Variants in SLC44A3 observed in about 807,000 individuals in gnomAD.
The protein encoded by SLC44A3 is solute carrier family 44 member 3, also known as choline transporter-like protein 3.
A neutral mutation model predicts 75.4 loss-of-function variants in SLC44A3; 74 were observed. The ratio of observed to expected loss-of-function variants is 0.98; its 90% confidence interval spans 0.81 to 1.19. The LOEUF (loss-of-function observed/expected upper bound fraction) is 1.19. Among genes scored for constraint, SLC44A3 ranks in the 50% most tolerant of loss-of-function variants. The pLI, the probability that SLC44A3 is intolerant of heterozygous loss-of-function variation, is 0.00. For synonymous variants in SLC44A3, 310 were observed against 296.9 expected, an observed-to-expected ratio of 1.04 and a Z score of -0.45; for missense variants, 700 against 778.6, an observed-to-expected ratio of 0.90 and a Z score of 1.20.
chr1:94,873,630 C>T (rs958288980), intron 12 of SLC44A3, among the ~76,000 whole-genome samples: 2 of 152,162 alleles, frequency 1.3e-5, no homozygotes, highest in African/African-American at 4.8e-5. Flanking sequence ...TTCTCTTCCC[C>T]CGCCCCTTTC....
intron 12 of SLC44A3, among the ~76,000 whole-genome samples, chr1:94,879,701 T>C (rs577369388): frequency 1.9e-4 from 28 of 151,272 alleles, no homozygotes; most frequent in African/African-American, 6.5e-4. Flanking sequence ...TAGTTGGGTG[T>C]GGTGGCAGGT....
chr1:94,861,750 G>T (rs1281280168), intron 10 of SLC44A3, among the ~76,000 whole-genome samples: 1 of 152,136 alleles, frequency 6.6e-6, no homozygotes, highest in African/African-American at 2.4e-5. Context: ...CACTACGAGG[G>T]CTGAAGAGTT....
Position 94,864,739 on chromosome 1 carries a change from C to G in SLC44A3, c.1239-4C>G, listed in dbSNP as rs375273767. The G allele has an allele frequency of 6.8e-5, 109 of 1,611,184 alleles. No homozygotes were observed. The highest frequency in any genetic ancestry group is 9.2e-5 in the Non-Finnish European group (108 of 1,178,866). ...TAAAATGCTATCCTTTTCCCTATTT[C>G]CAGAAGTAAAAATGATCCTCCTGAT... On this transcript the variant is annotated splice_region_variant and splice_polypyrimidine_tract_variant and intron_variant, in intron 10 of 14. Transcript: ENST00000271227.
At chr1:94,861,072 A>G (rs1453733751) in intron 10 of SLC44A3, among the ~76,000 whole-genome samples, 1 of 152,234 alleles carries the variant, frequency 6.6e-6, no homozygotes, top group Non-Finnish European at 1.5e-5. Flanking sequence ...AAAAATGTGA[A>G]ACAATTAACT....
chr1:94,889,830 T>C (rs1194374058), intron 12 of SLC44A3, among the ~76,000 whole-genome samples: 1 of 152,132 alleles, frequency 6.6e-6, no homozygotes, highest in Non-Finnish European at 1.5e-5. Flanking sequence ...ACCATACCAG[T>C]TACACTGTAT....
chr1:94,856,545 A>C (rs1665894531), intron 9 of SLC44A3, among the ~76,000 whole-genome samples: 1 of 152,232 alleles, frequency 6.6e-6, no homozygotes, highest in Admixed American at 6.5e-5. Flanking sequence ...TTTTTGGTGA[A>C]GTAGGATTCT....
In SLC44A3 at chr1:94,864,903, A is replaced by C; in HGVS notation, c.1395+4A>C. Reference sequence around the variant, plus strand: ...GCAAAACGCACTGAAAGAACAGGTAAGGCTACCTCCTGATACACAGCACGT... The same window carrying C: ...GCAAAACGCACTGAAAGAACAGGTACGGCTACCTCCTGATACACAGCACGT... On this transcript the variant is annotated splice_donor_region_variant and intron_variant, in intron 11 of 14. Transcript: ENST00000271227. The C allele has an allele frequency of 6.2e-7, 1 of 1,613,252 alleles. No homozygotes were observed. The highest frequency in any genetic ancestry group is 8.5e-7 in the Non-Finnish European group (1 of 1,179,662).
chr1:94,858,715 G>A (rs1305271123), intron 10 of SLC44A3, among the ~76,000 whole-genome samples: 2 of 147,910 alleles, frequency 1.4e-5, no homozygotes, highest in African/African-American at 2.5e-5. Flanking sequence ...TTATTGAGAC[G>A]GAGTCTTGCT....
chr1:94,886,366 C>T (rs1351103258), intron 12 of SLC44A3, among the ~76,000 whole-genome samples: 2 of 152,140 alleles, frequency 1.3e-5, no homozygotes, highest in Admixed American at 6.5e-5. Context: ...TTTCACTGCT[C>T]TTGCTCCACA....
At chr1:94,853,031 A>T (rs1023509355) in intron 9 of SLC44A3, among the ~76,000 whole-genome samples, 1 of 152,252 alleles carries the variant, frequency 6.6e-6, no homozygotes, top group East Asian at 1.9e-4. Context: ...ACTTGGGAAC[A>T]TATTAATAGT....
rs140565146 is a variant in SLC44A3, at chr1:94,823,883, C to T, written c.136-610C>T. On this transcript the variant is annotated intron_variant, in intron 2 of 14. Transcript: ENST00000271227. ...GTTTGAACTGAAATTTCAAATATTC[C>T]ACATTCACTATGAGAGTGGATAAAA... 8.2e-3 allele frequency among the ~76,000 whole-genome samples: 1,248 copies of T among 152,236 alleles called. 12 individuals carry two copies. Among genetic ancestry groups the T allele is most frequent in the Non-Finnish European group, 0.012 (815 of 68,022 alleles).
chr1:94,842,187 T>G, intron 8 of SLC44A3, 63 bp downstream of exon 8: 4 of 1,502,450 alleles, frequency 2.7e-6, no homozygotes, highest in Non-Finnish European at 3.5e-6. Flanking sequence ...TCCAAATCAT[T>G]GAATTCTAGC....
intron 9 of SLC44A3, among the ~76,000 whole-genome samples, chr1:94,853,224 G>T (rs1665433082): frequency 6.6e-6 from 1 of 152,176 alleles, no homozygotes; most frequent in Non-Finnish European, 1.5e-5. Flanking sequence ...CAGGTGAAGG[G>T]TTTCACAGAG....
intron 7 of SLC44A3, among the ~76,000 whole-genome samples, chr1:94,840,490 A>G (rs1663475622): frequency 6.6e-6 from 1 of 151,618 alleles, no homozygotes; most frequent in South Asian, 2.1e-4. Flanking sequence ...GGGTTTTGCC[A>G]TGTTGCCCAG....
In SLC44A3 at chr1:94,853,779, T is replaced by C. The variant is rs566047095; in HGVS notation, c.1073-3556T>C. Among the ~76,000 whole-genome samples the C allele has an allele frequency of 6.6e-5, 10 of 152,028 alleles. No homozygotes were observed. The East Asian group carries it at 1.4e-3, about 21-fold the overall frequency. ...GTTGAAGGGGGAATTTATAAAACAG[T>C]TGGGCAGAAGAAGGGGAAACAAATG... On this transcript the variant is annotated intron_variant, in intron 9 of 14. Transcript: ENST00000271227.
chr1:94,833,671 G>C (rs1046285019), intron 5 of SLC44A3, among the ~76,000 whole-genome samples: 4 of 152,112 alleles, frequency 2.6e-5, no homozygotes, highest in Non-Finnish European at 5.9e-5. Context: ...CTTAAGCCAG[G>C]GGATTCCCTA....
intron 2 of SLC44A3, among the ~76,000 whole-genome samples, chr1:94,822,941 C>T (rs929525073): frequency 6.6e-6 from 1 of 152,082 alleles, no homozygotes; most frequent in Non-Finnish European, 1.5e-5. Context: ...AGGAAGATCC[C>T]TTGAAGCCAG....
intron 10 of SLC44A3, among the ~76,000 whole-genome samples, chr1:94,863,966 A>G (rs1402279680): frequency 6.6e-6 from 1 of 152,240 alleles, no homozygotes; most frequent in Non-Finnish European, 1.5e-5. Context: ...CTTCTCAGAA[A>G]GACCTTATTT....
At position 94,892,295 on chromosome 1, in the gene SLC44A3, T is replaced by A. The variant is rs756680192; in HGVS notation, c.1635T>A (p.Cys545Ter). 2 of 1,614,094 alleles carry A rather than the reference T, an allele frequency of 1.2e-6. No individual in the cohort carries two copies. The highest frequency in any genetic ancestry group is 3.3e-5 in the Admixed American group (2 of 60,010). Residue 545 changes from cysteine (C) to a stop codon, truncating the protein, a stop_gained, in exon 14 of 15, where the codon TGT becomes TGA. Coordinates refer to ENST00000271227, the MANE Select transcript of SLC44A3 (RefSeq NM_001114106.3). LOFTEE classifies it high-confidence loss of function. ...IIFLGKVLVV[C>*]FTVFGGLMAF... Reference sequence around the variant, plus strand: ...CTTTTGCACAGGTGTTAGTGGTGTGTTTCACTGTTTTTGGAGGACTCATGG... The same window carrying A: ...CTTTTGCACAGGTGTTAGTGGTGTGATTCACTGTTTTTGGAGGACTCATGG...
Sources: gnomAD v4.1 joint callset for allele counts (sites outside exome capture counted in the v4.1 genomes callset) on GRCh38, gnomAD v4.1.1 for gene constraint, MANE v1.5 for transcripts, NCBI Gene and HGNC (gene_info 2026-07-23, HGNC 2026-07-21) for gene names.